RIT2: variants seen among roughly 807,000 people sequenced by gnomAD.
RIT2 encodes the protein GTP-binding protein Rit2.
Under a neutral mutation model 23.7 loss-of-function variants are expected in RIT2, and 24 were observed. The ratio of observed to expected loss-of-function variants is 1.01; its 90% CI spans 0.73 to 1.43. RIT2 has a LOEUF of 1.43. Among genes scored for constraint, RIT2 ranks in the 40% most tolerant of loss-of-function variants. The pLI, the probability that RIT2 is intolerant of heterozygous loss-of-function variation, is 0.00. For synonymous variants in RIT2, 107 were observed against 91.1 expected (o/e 1.17, Z -0.99); for missense variants, 236 against 266.9 (o/e 0.88, Z 0.81).
intron 1 of RIT2, among the ~76,000 whole-genome samples, chr18:43,103,098 T>C (rs1370609471): frequency 6.6e-6 from 1 of 152,196 alleles, no homozygotes. Context: ...CCAAAGATTG[T>C]TAATGCTGGC....
At chr18:42,820,767 G>A (rs1906126478) in intron 4 of RIT2, among the ~76,000 whole-genome samples, 1 of 152,140 alleles carries the variant, frequency 6.6e-6, no homozygotes, top group African/African-American at 2.4e-5. Flanking sequence ...CCACCTTTGT[G>A]TATGGTCTTT....
chr18:42,864,287 A>T (rs2144053702), intron 4 of RIT2, among the ~76,000 whole-genome samples: 1 of 152,316 alleles, frequency 6.6e-6, no homozygotes, highest in East Asian at 1.9e-4. Context: ...TTTCAATTTC[A>T]TCTTTTTCCA....
intron 1 of RIT2, among the ~76,000 whole-genome samples, chr18:43,107,617 A>G (rs866015139): frequency 1.4e-4 from 22 of 152,226 alleles, no homozygotes; most frequent in Middle Eastern, 6.8e-3. Flanking sequence ...TCCTATAATT[A>G]CTGGGTTACT....
chr18:42,988,253 C>T (rs1910759465), intron 2 of RIT2, among the ~76,000 whole-genome samples: 1 of 151,930 alleles, frequency 6.6e-6, no homozygotes, highest in South Asian at 2.1e-4. Flanking sequence ...TTGTAAATTC[C>T]TGAATTGTAA....
chr18:42,983,291 G>A (rs1167597968), intron 2 of RIT2, among the ~76,000 whole-genome samples: 1 of 151,814 alleles, frequency 6.6e-6, no homozygotes, highest in Non-Finnish European at 1.5e-5. Context: ...AGTGGTGTGG[G>A]ACCAACTAAA....
intron 3 of RIT2, among the ~76,000 whole-genome samples, chr18:42,972,337 T>C (rs978088523): frequency 2.0e-5 from 3 of 151,970 alleles, no homozygotes; most frequent in South Asian, 2.1e-4. Flanking sequence ...TGTTAATATA[T>C]AGATTTCAAA....
intron 3 of RIT2, among the ~76,000 whole-genome samples, chr18:42,952,447 G>A (rs1909873833): frequency 6.6e-6 from 1 of 152,128 alleles, no homozygotes; most frequent in South Asian, 2.1e-4. Flanking sequence ...ATAAATCCTA[G>A]GGATCTACTG....
chr18:42,917,247 G>T (rs1351038254), intron 4 of RIT2, among the ~76,000 whole-genome samples: 1 of 152,018 alleles, frequency 6.6e-6, no homozygotes. Context: ...TCAAACCCAG[G>T]ACTATCTGAT....
At chr18:43,068,238 T>C (rs1419208266) in intron 1 of RIT2, among the ~76,000 whole-genome samples, 1 of 152,122 alleles carries the variant, frequency 6.6e-6, no homozygotes, top group Non-Finnish European at 1.5e-5. Flanking sequence ...ATCTATGGAA[T>C]AGGTACAGAT....
At chr18:43,026,749 T>C (rs547905789) in intron 2 of RIT2, among the ~76,000 whole-genome samples, 16 of 150,542 alleles carry the variant, frequency 1.1e-4, no homozygotes, top group Non-Finnish European at 1.8e-4. Context: ...CTATTAGACA[T>C]CTAAATGGAG....
intron 2 of RIT2, among the ~76,000 whole-genome samples, chr18:43,026,462 G>A (rs1229903847): frequency 6.6e-6 from 1 of 151,650 alleles, no homozygotes; most frequent in African/African-American, 2.4e-5. Flanking sequence ...GCTGAAGTAG[G>A]AGAATCACTT....
chr18:42,811,495 C>A (rs548619750), intron 4 of RIT2, among the ~76,000 whole-genome samples: 9 of 152,028 alleles, frequency 5.9e-5, no homozygotes, highest in African/African-American at 1.4e-4. Flanking sequence ...AAAGATCTGA[C>A]AAGAGTTCCA....
Position 43,105,607 on chromosome 18 carries a change from C to A in RIT2, c.103+9810G>T, listed in dbSNP as rs1477319335. Among the ~76,000 whole-genome samples the A allele has an allele frequency of 2.0e-5, 3 of 151,318 alleles. No homozygotes were observed. The East Asian group carries it at 5.8e-4, about 29-fold the overall frequency. On this transcript the variant is annotated intron_variant, in intron 1 of 4. Coordinates refer to ENST00000326695, the MANE Select transcript of RIT2 (RefSeq NM_002930.4). ...TTCCAATGTCATCTACCCAGCAATT[C>A]TCTGAGGATATTTTAATTAAAGCCC...
At chr18:42,920,314 C>G (rs1027692803) in intron 4 of RIT2, among the ~76,000 whole-genome samples, 1 of 152,152 alleles carries the variant, frequency 6.6e-6, no homozygotes, top group African/African-American at 2.4e-5. Flanking sequence ...GGTTTTGTCT[C>G]TCAACTCTAA....
At chr18:42,823,481 T>G (rs1037005078) in intron 4 of RIT2, among the ~76,000 whole-genome samples, 1 of 152,138 alleles carries the variant, frequency 6.6e-6, no homozygotes, top group African/African-American at 2.4e-5. Flanking sequence ...AAGCAAAGAT[T>G]AGGTGATTAA....
At chr18:42,835,799 TAAATA>T (rs1205849868) in intron 4 of RIT2, among the ~76,000 whole-genome samples, 2 of 152,196 alleles carry the variant, frequency 1.3e-5, no homozygotes, top group Non-Finnish European at 2.9e-5. Flanking sequence ...TTAATTTTAT[TAAATA>T]AAATAAAAGT....
At chr18:42,935,827 T>C (rs180786812) in intron 3 of RIT2, among the ~76,000 whole-genome samples, 1 of 151,816 alleles carries the variant, frequency 6.6e-6, no homozygotes, top group Non-Finnish European at 1.5e-5. Context: ...GGTGACAAAG[T>C]TTTCTGGAGT....
chr18:42,859,695 C>T (rs1398988430), intron 4 of RIT2, among the ~76,000 whole-genome samples: 1 of 152,124 alleles, frequency 6.6e-6, no homozygotes, highest in Non-Finnish European at 1.5e-5. Context: ...TTACCTTCTA[C>T]ATATGGATTT....
chr18:42,943,164 G>A (rs772905521), intron 3 of RIT2, among the ~76,000 whole-genome samples: 22 of 152,128 alleles, frequency 1.4e-4, no homozygotes, highest in African/African-American at 3.1e-4. Flanking sequence ...ATTTGTCCCC[G>A]CCCATGTTCT....
Sources: allele counts gnomAD v4.1 joint callset (sites outside exome capture counted in the v4.1 genomes callset), GRCh38; gene constraint gnomAD v4.1.1; transcripts MANE v1.5; gene names NCBI Gene and HGNC (gene_info 2026-07-23, HGNC 2026-07-21).